Variants in GALNT13 observed in about 807,000 individuals in gnomAD.
GALNT13 encodes the protein polypeptide N-acetylgalactosaminyltransferase 13, also known as UDP-GalNAc:polypeptide N-acetylgalactosaminyltransferase 13.
Under a neutral mutation model 64.2 loss-of-function variants are expected in GALNT13, and 28 were observed. The observed-to-expected ratio is 0.44, with a 90% CI of 0.32 to 0.60. GALNT13 has a LOEUF of 0.60. Among genes scored for constraint, GALNT13 ranks in the 20% least tolerant of loss-of-function variants. The pLI, the probability that GALNT13 is intolerant of heterozygous loss-of-function variation, is 0.05. For missense variants in GALNT13, 577 were observed against 669.8 expected (o/e 0.86, Z 1.53); for synonymous variants, 214 against 224.6 (o/e 0.95, Z 0.42).
At chr2:153,449,299 AG>A in the GALNT13 span, among the ~76,000 whole-genome samples, 2 of 152,126 alleles carry the variant, frequency 1.3e-5, no homozygotes, top group African/African-American at 4.8e-5. Context: ...CAACAGTTTG[AG>A]GACAGGAGGA....
the GALNT13 span, among the ~76,000 whole-genome samples, chr2:153,526,123 G>A: frequency 1.3e-5 from 2 of 152,254 alleles, no homozygotes; most frequent in African/African-American, 4.8e-5. Context: ...GGGCCTGGGG[G>A]AGCTCATCAC....
intron 3 of GALNT13, among the ~76,000 whole-genome samples, chr2:154,021,083 A>G (rs987862881): frequency 5.9e-5 from 9 of 152,142 alleles, no homozygotes; most frequent in African/African-American, 1.7e-4. Context: ...TACCAGTACC[A>G]TGCTGTTTTG....
chr2:154,177,193 A>C (rs547908614), intron 4 of GALNT13, among the ~76,000 whole-genome samples: 2 of 152,232 alleles, frequency 1.3e-5, no homozygotes, highest in Non-Finnish European at 1.5e-5. Flanking sequence ...GCTGTGGTAC[A>C]TCCAGACAAT....
chr2:153,874,851 T>G (rs1686248362), intron 1 of GALNT13, among the ~76,000 whole-genome samples: 1 of 152,154 alleles, frequency 6.6e-6, no homozygotes, highest in African/African-American at 2.4e-5. Flanking sequence ...GCTGGTGTTC[T>G]TTAACACAGT....
the GALNT13 span, among the ~76,000 whole-genome samples, chr2:153,273,566 C>T: frequency 2.0e-5 from 3 of 151,828 alleles, no homozygotes; most frequent in African/African-American, 7.3e-5. Flanking sequence ...AATTGGTGGC[C>T]GTATATATTA....
the GALNT13 span, among the ~76,000 whole-genome samples, chr2:153,751,017 C>A: frequency 6.6e-6 from 1 of 151,742 alleles, no homozygotes; most frequent in Non-Finnish European, 1.5e-5. Context: ...TTTCCATTGT[C>A]ATTTATTTCA....
the GALNT13 span, among the ~76,000 whole-genome samples, chr2:153,566,668 G>A: frequency 0.92 from 140,345 of 152,256 alleles, 64,735 homozygotes; most frequent in Admixed American, 0.93. Flanking sequence ...ATCACATTTT[G>A]TAGATGAGGA....
chr2:154,274,938 G>T (rs941289282), intron 8 of GALNT13, among the ~76,000 whole-genome samples: 2 of 152,120 alleles, frequency 1.3e-5, no homozygotes, highest in African/African-American at 4.8e-5. Flanking sequence ...GGACAACAAA[G>T]TCCAGGCTGA....
chr2:154,272,599 A>T (rs891241471), intron 8 of GALNT13, among the ~76,000 whole-genome samples: 5 of 152,114 alleles, frequency 3.3e-5, no homozygotes, highest in Non-Finnish European at 7.4e-5. Context: ...CTATATGAAG[A>T]ATGTTAATGT....
chr2:154,431,196 G>C (rs1486909072), intron 11 of GALNT13, among the ~76,000 whole-genome samples: 2 of 152,132 alleles, frequency 1.3e-5, no homozygotes, highest in Non-Finnish European at 2.9e-5. Flanking sequence ...GATAAAGCAA[G>C]TAAAGGGCAT....
the GALNT13 span, among the ~76,000 whole-genome samples, chr2:153,150,461 GA>G: frequency 6.6e-4 from 101 of 152,186 alleles, 1 homozygote; most frequent in East Asian, 0.013. Flanking sequence ...TTGCTGTGCA[GA>G]AGCTCTTTAG....
rs573255997 is a variant in GALNT13, at chr2:154,328,209, G to A, written c.1156+26620G>A. On this transcript the variant is annotated intron_variant, in intron 9 of 12. Coordinates refer to ENST00000392825, the MANE Select transcript of GALNT13 (RefSeq NM_052917.4). Reference sequence around the variant, plus strand: ...GATCATCCTGCTGCTAGGGTTAAGTGCTATCTTGAAGATTGTAATAAACTT... The same window carrying A: ...GATCATCCTGCTGCTAGGGTTAAGTACTATCTTGAAGATTGTAATAAACTT... Among the ~76,000 whole-genome samples the A allele has an allele frequency of 2.0e-5, 3 of 152,168 alleles. No homozygotes were observed. In the South Asian group the frequency reaches 6.2e-4, roughly 32 times the overall value.
the GALNT13 span, among the ~76,000 whole-genome samples, chr2:153,127,272 C>T: frequency 6.6e-6 from 1 of 152,106 alleles, no homozygotes; most frequent in Non-Finnish European, 1.5e-5. Flanking sequence ...TAATTGATTT[C>T]ACCCTTCAGC....
chr2:153,692,587 T>C, the GALNT13 span, among the ~76,000 whole-genome samples: 1 of 152,192 alleles, frequency 6.6e-6, no homozygotes, highest in African/African-American at 2.4e-5. Context: ...CTAGTTCCTG[T>C]TAGACAGTTA....
At chr2:153,783,311 A>T in the GALNT13 span, among the ~76,000 whole-genome samples, 61,924 of 152,032 alleles carry the variant, frequency 0.41, 14,563 homozygotes, top group Middle Eastern at 0.55. Flanking sequence ...AAAATCCCAG[A>T]GGTTACATTT....
At chr2:153,500,603 A>G in the GALNT13 span, among the ~76,000 whole-genome samples, 3 of 152,342 alleles carry the variant, frequency 2.0e-5, no homozygotes, top group East Asian at 5.8e-4. Context: ...GTTAGAGATC[A>G]CTGGTTGGTC....
chr2:153,717,080 T>A, the GALNT13 span, among the ~76,000 whole-genome samples: 2 of 152,144 alleles, frequency 1.3e-5, no homozygotes, highest in African/African-American at 2.4e-5. Context: ...AACCATTCAA[T>A]ATTGCTGGGG....
At chr2:154,207,313 C>T (rs1190860641) in intron 4 of GALNT13, among the ~76,000 whole-genome samples, 6 of 152,152 alleles carry the variant, frequency 3.9e-5, no homozygotes, top group African/African-American at 7.2e-5. Flanking sequence ...CTCCACTTGC[C>T]TTTGCTGTCT....
At chr2:153,984,531 A>G (rs1233154020) in intron 3 of GALNT13, among the ~76,000 whole-genome samples, 1 of 151,736 alleles carries the variant, frequency 6.6e-6, no homozygotes, top group Non-Finnish European at 1.5e-5. Context: ...ATGTTAGATC[A>G]ACCATCTTTT....
Sources: gnomAD v4.1 joint callset for allele counts (sites outside exome capture counted in the v4.1 genomes callset) on GRCh38, gnomAD v4.1.1 for gene constraint, MANE v1.5 for transcripts, NCBI Gene and HGNC (gene_info 2026-07-23, HGNC 2026-07-21) for gene names.